The following DYM variants were observed in gnomAD, a reference collection of about 807,000 sequenced individuals.
DYM encodes dyggve-Melchior-Clausen syndrome protein.
DYM carries 78 observed loss-of-function variants against 93.1 expected under a neutral mutation model. The observed-to-expected ratio is 0.84, with a 90% CI of 0.70 to 1.01. DYM has a LOEUF of 1.01. Among genes scored for constraint, DYM ranks in the 50% least tolerant of loss-of-function variants. The pLI, the probability that DYM is intolerant of heterozygous loss-of-function variation, is 0.00. For missense variants in DYM, 789 were observed against 845.0 expected (o/e 0.93, Z 0.82); for synonymous variants, 321 against 319.7 (o/e 1.00, Z -0.04).
chr18:49,121,437 T>G (rs2082370786), intron 15 of DYM, among the ~76,000 whole-genome samples: 1 of 151,968 alleles, frequency 6.6e-6, no homozygotes, highest in South Asian at 2.1e-4. Context: ...TACATCTAAT[T>G]GACTCCCAGA....
rs557904552 is a variant in DYM, at chr18:49,206,810, CT to C, written c.1625+2740del. 2.6e-4 allele frequency among the ~76,000 whole-genome samples: 40 copies of C among 152,286 alleles called. 1 individual carries two copies. In the East Asian group the frequency reaches 3.1e-3, roughly 12 times the overall value. ...GGGCTTGATATTGAAAAAATACCCC[CT>C]GGAGGCTTCATACTGTAAACCCCAG... On this transcript the variant is annotated intron_variant, in intron 14 of 17. Transcript: ENST00000675505.
chr18:49,145,611 G>C (rs900924840), intron 15 of DYM, among the ~76,000 whole-genome samples: 5 of 152,014 alleles, frequency 3.3e-5, no homozygotes, highest in African/African-American at 1.2e-4. Flanking sequence ...AATATAAACA[G>C]ATACAAATGA....
intron 13 of DYM, among the ~76,000 whole-genome samples, chr18:49,256,625 G>A (rs774839217): frequency 5.9e-5 from 9 of 152,068 alleles, no homozygotes; most frequent in Non-Finnish European, 1.0e-4. Flanking sequence ...ACTAATACAC[G>A]GGTGAACTGC....
chr18:49,275,244 G>T (rs1210522284), intron 10 of DYM, among the ~76,000 whole-genome samples: 1 of 152,048 alleles, frequency 6.6e-6, no homozygotes, highest in Admixed American at 6.6e-5. Flanking sequence ...TTCCACATTG[G>T]TCTTGGCACC....
chr18:49,219,736 A>C lies in DYM; in HGVS notation c.1461-10021T>G, dbSNP rs2093262643. Among the ~76,000 whole-genome samples, 4 of 152,226 alleles carry C rather than the reference A, an allele frequency of 2.6e-5. No individual in the cohort carries two copies. The South Asian group carries it at 6.2e-4, about 24-fold the overall frequency. ...TCATGCTAAAAACTCTCAATAAATT[A>C]GGTATTGATGGGACGTATCTCAAAA... On this transcript the variant is annotated intron_variant, in intron 13 of 17. Coordinates refer to ENST00000675505, the MANE Select transcript of DYM (RefSeq NM_001353214.3).
intron 13 of DYM, among the ~76,000 whole-genome samples, chr18:49,214,854 T>G (rs2092953694): frequency 6.6e-6 from 1 of 152,334 alleles, no homozygotes; most frequent in South Asian, 2.1e-4. Context: ...TGATTCATTT[T>G]AGTGGATGGG....
At chr18:49,093,490 G>T in intron 17 of DYM, among the ~76,000 whole-genome samples, 1 of 152,192 alleles carries the variant, frequency 6.6e-6, no homozygotes, top group Non-Finnish European at 1.5e-5. Context: ...GGAGTTTATA[G>T]CAATAGACTG....
chr18:49,118,032 G>A (rs572890683), intron 16 of DYM, among the ~76,000 whole-genome samples: 7 of 128,200 alleles, frequency 5.5e-5, no homozygotes, highest in Non-Finnish European at 7.8e-5. Flanking sequence ...TGTGTGAGAC[G>A]GAGTTTTACT....
At chr18:49,218,940 C>A (rs891134300) in intron 13 of DYM, among the ~76,000 whole-genome samples, 1 of 152,066 alleles carries the variant, frequency 6.6e-6, no homozygotes, top group Non-Finnish European at 1.5e-5. Context: ...ACACAAAAAA[C>A]CCTTCAAAAA....
intron 8 of DYM, among the ~76,000 whole-genome samples, chr18:49,299,828 G>A (rs2060791038): frequency 6.6e-6 from 1 of 150,988 alleles, no homozygotes; most frequent in Non-Finnish European, 1.5e-5. Context: ...CAGGTCATGA[G>A]GTCAGGAGAT....
chr18:49,367,146 C>T (rs1193479359), intron 5 of DYM, among the ~76,000 whole-genome samples: 1 of 152,148 alleles, frequency 6.6e-6, no homozygotes, highest in Non-Finnish European at 1.5e-5. Flanking sequence ...AGATGACACA[C>T]TATGTATTCA....
chr18:49,266,264 A>C (rs1373024453), intron 11 of DYM, among the ~76,000 whole-genome samples: 1 of 152,204 alleles, frequency 6.6e-6, no homozygotes, highest in Non-Finnish European at 1.5e-5. Context: ...CAATGATTCT[A>C]ACATCTTAGC....
chr18:49,114,810 T>C (rs1482344484), intron 16 of DYM, among the ~76,000 whole-genome samples: 1 of 152,128 alleles, frequency 6.6e-6, no homozygotes, highest in Non-Finnish European at 1.5e-5. Context: ...GGATATCAAT[T>C]GCCTGGTTAC....
rs1452188837 is a variant in DYM, at chr18:49,235,314, T to C, written c.1460+21696A>G. ...GGAAATTATTTCTTCTTTAAGATAC[T>C]CAGATTTTAGGTTTTTCTCTTATTC... On this transcript the variant is annotated intron_variant, in intron 13 of 17. Transcript: ENST00000675505. Among the ~76,000 whole-genome samples the C allele has an allele frequency of 5.3e-5, 8 of 152,336 alleles. No individual in the cohort carries two copies. In the South Asian group the frequency reaches 1.5e-3, roughly 28 times the overall value.
intron 6 of DYM, among the ~76,000 whole-genome samples, chr18:49,355,202 T>C (rs921989755): frequency 5.3e-5 from 8 of 152,004 alleles, no homozygotes; most frequent in Non-Finnish European, 8.8e-5. Context: ...ATACAATTGA[T>C]ACACTGATCA....
chr18:49,058,083 C>T (rs2075652295), intron 17 of DYM, among the ~76,000 whole-genome samples: 1 of 152,216 alleles, frequency 6.6e-6, no homozygotes, highest in African/African-American at 2.4e-5. Context: ...TCAAAGGAGT[C>T]CATCTTCTGC....
At chr18:49,391,721 T>G (rs746087695) in intron 2 of DYM, 76 bp from the exon 3 acceptor site, 38 of 1,264,158 alleles carry the variant, frequency 3.0e-5, no homozygotes, top group Non-Finnish European at 4.2e-5. Flanking sequence ...TAAAGAAATA[T>G]ATAAAGATAA....
At chr18:49,151,421 G>A (rs2085801890) in intron 15 of DYM, among the ~76,000 whole-genome samples, 1 of 152,088 alleles carries the variant, frequency 6.6e-6, no homozygotes, top group South Asian at 2.1e-4. Flanking sequence ...TAAAATTACT[G>A]GTTTTGGGGG....
rs147390361 is a variant in DYM, at chr18:49,376,864, G to T, written c.421+1703C>A. The stretch of plus-strand genomic sequence containing the variant: ...CACTGAGGATAAGAATGAAGAAAAA[G>T]ATTGCAGTAAAACAGAAATTCATAT... On this transcript the variant is annotated intron_variant, in intron 5 of 17. Coordinates refer to ENST00000675505, the MANE Select transcript of DYM (RefSeq NM_001353214.3). Among the ~76,000 whole-genome samples, 569 of 152,292 alleles carry T rather than the reference G, an allele frequency of 3.7e-3. 3 individuals carry two copies. Among genetic ancestry groups the T allele is most frequent in the Non-Finnish European group, 4.0e-3 (270 of 68,016 alleles).
Sources: gnomAD v4.1 joint callset for allele counts (sites outside exome capture counted in the v4.1 genomes callset) on GRCh38, gnomAD v4.1.1 for gene constraint, MANE v1.5 for transcripts, NCBI Gene and HGNC (gene_info 2026-07-23, HGNC 2026-07-21) for gene names.